Variants in ZNF799 observed in about 807,000 individuals in gnomAD.
ZNF799 encodes zinc finger protein 799, also known as zinc finger protein 14.
A neutral mutation model predicts 41.0 loss-of-function variants in ZNF799; 28 were observed. The observed-to-expected ratio is 0.68, with a 90% CI of 0.51 to 0.94. The LOEUF is 0.94. Ranked by LOEUF, ZNF799 falls within the 40% of genes least tolerant of loss-of-function variation. ZNF799 has a pLI of 0.00. For missense variants in ZNF799, 716 were observed against 764.3 expected (o/e 0.94, Z 0.74); for synonymous variants, 213 against 252.9 (o/e 0.84, Z 1.50).
At chr19:12,407,100 T>C in the ZNF799 span, among the ~76,000 whole-genome samples, 2 of 152,020 alleles carry the variant, frequency 1.3e-5, no homozygotes, top group Non-Finnish European at 2.9e-5. Context: ...GATGAGAGAA[T>C]GTGTGACTGG....
chr19:12,391,006 T>C lies in ZNF799; in HGVS notation c.1392A>G (p.Gln464=), dbSNP rs1161934962. 6.2e-6 allele frequency: 10 copies of C among 1,614,030 alleles called. No individual in the cohort carries two copies. The highest frequency in any genetic ancestry group is 6.8e-6 in the Non-Finnish European group (8 of 1,180,014). ...GKAFIDFYSF[Q]NHKTTHAGEK... is the part of the protein sequence containing the mutation. ...CTCCAGCATGAGTTGTTTTGTGATT[T>C]TGAAAGGAATAGAAATCAATAAAGG... is the stretch of plus-strand genomic sequence containing the variant. The change falls in exon 4 of 4, where the codon CAA becomes CAG. Residue 464 remains glutamine, a synonymous_variant. Transcript: ENST00000430385.
the ZNF799 span, among the ~76,000 whole-genome samples, chr19:12,410,113 A>C: frequency 1.3e-3 from 197 of 152,028 alleles, 1 homozygote; most frequent in African/African-American, 4.6e-3. Context: ...ATGCTACTGC[A>C]CTCCACCCTG....
chr19:12,413,566 G>A, the ZNF799 span, among the ~76,000 whole-genome samples: 50,720 of 152,096 alleles, frequency 0.33, 9,031 homozygotes, highest in South Asian at 0.51. Context: ...TACTCATATG[G>A]AGATAAATAA....
At chr19:12,411,279 A>C in the ZNF799 span, among the ~76,000 whole-genome samples, 1 of 152,172 alleles carries the variant, frequency 6.6e-6, no homozygotes, top group African/African-American at 2.4e-5. Context: ...TAATAGCTTG[A>C]GGTGACCACA....
Position 12,393,566 on chromosome 19 carries a change from T to C in ZNF799, c.4-143A>G, listed in dbSNP as rs1448897523. The C allele has an allele frequency of 1.1e-5, 16 of 1,418,654 alleles. No individual in the cohort carries two copies. In the East Asian group the frequency reaches 3.8e-4, roughly 34 times the overall value. The allele number at this position is 1,418,654 out of a possible 1,614,324, so 87.9% of individuals were successfully genotyped here. The stretch of plus-strand genomic sequence containing the variant: ...GGTAAACCCACTCTTATTCTCTGTC[T>C]ACACTCACTTTCTCCTACACAGTAA... On this transcript the variant is annotated intron_variant, in intron 1 of 3. Coordinates refer to ENST00000430385, the MANE Select transcript of ZNF799 (RefSeq NM_001080821.3).
Position 12,390,401 on chromosome 19 carries a change from C to A in ZNF799, c.*65G>T. On this transcript the variant is annotated 3_prime_UTR_variant, in exon 4 of 4. Coordinates refer to ENST00000430385, the MANE Select transcript of ZNF799 (RefSeq NM_001080821.3). ...GGGTCTATCTCCAATGTGTTTCGTACAAGTATCTGAAATGAAATAAAATTA... is the reference window on the plus strand; with the variant it reads ...GGGTCTATCTCCAATGTGTTTCGTAAAAGTATCTGAAATGAAATAAAATTA... The A allele has an allele frequency of 9.4e-6, 15 of 1,603,694 alleles. No individual in the cohort carries two copies. The highest frequency in any genetic ancestry group is 1.3e-5 in the Non-Finnish European group (15 of 1,175,128).
chr19:12,401,212 G>A lies in ZNF799; in HGVS notation c.-142C>T. The A allele has an allele frequency of 3.3e-6, 5 of 1,522,862 alleles. No individual in the cohort carries two copies. In the South Asian group the frequency reaches 3.7e-5, roughly 11 times the overall value. 94.3% of individuals were successfully genotyped at this position (1,522,862 alleles called of 1,614,324 possible). A position where few individuals can be genotyped will look rare whatever the true frequency, so the allele number is the denominator to read the frequency against. ...CACCGAGCGCCCAGCGCAGGTGGGT[G>A]GAGAAGACGCCGCGGGCTTTTTCAA... On this transcript the variant is annotated 5_prime_UTR_variant, in exon 1 of 4. Transcript: ENST00000430385.
chr19:12,397,865 T>TG (rs1473136405), intron 1 of ZNF799, among the ~76,000 whole-genome samples: 3 of 152,170 alleles, frequency 2.0e-5, no homozygotes, highest in African/African-American at 7.2e-5. Flanking sequence ...AACTATTTTT[T>TG]TATTCTCTCA....
chr19:12,400,678 T>C, intron 1 of ZNF799: 1 of 382,214 alleles, frequency 2.6e-6, no homozygotes, highest in Non-Finnish European at 4.7e-6. Flanking sequence ...AGACCCCAAA[T>C]CCCTCAGGGA....
rs1425872905 is a variant in ZNF799, at chr19:12,391,069, A to G, written c.1329T>C (p.His443=). ...TGCATTTATAGGGTTTCTCTCCAGT[A>G]TGAGTTGTTTCATGCCTTCGAAGAG... The part of the protein sequence containing the change: ...SSSLRRHETT[H]TGEKPYKCKC... The change falls in exon 4 of 4, where the codon CAT becomes CAC. Residue 443 remains histidine, a synonymous_variant. Coordinates refer to ENST00000430385, the MANE Select transcript of ZNF799 (RefSeq NM_001080821.3). 4.8e-5 allele frequency: 78 copies of G among 1,614,052 alleles called. No homozygotes were observed. Among genetic ancestry groups the G allele is most frequent in the Non-Finnish European group, 5.5e-5 (65 of 1,180,006 alleles).
chr19:12,390,815 CCA>C lies in ZNF799; in HGVS notation c.1581_1582del (p.Gly528ArgfsTer5), dbSNP rs1336349432. 2 of 1,614,158 alleles carry C rather than the reference CCA, an allele frequency of 1.2e-6. No homozygotes were observed. Among genetic ancestry groups the C allele is most frequent in the Non-Finnish European group, 1.7e-6 (2 of 1,180,002 alleles). ...TTCCTTACATTCATACGGCTTCTCT[CCA>C]GAGTGAATTCTTTCATGTACTTTTA... On this transcript the variant is annotated frameshift_variant, in exon 4 of 4. Coordinates refer to ENST00000430385, the MANE Select transcript of ZNF799 (RefSeq NM_001080821.3). LOFTEE classifies it high-confidence loss of function.
At position 12,390,271 on chromosome 19, in the gene ZNF799, A is replaced by T. The variant is rs1378621107; in HGVS notation, c.*195T>A. ...TGTCATTTTATAAAAGGGACTGGAC[A>T]TGGCTCACGGAGTGCTGGAACCAAT... On this transcript the variant is annotated 3_prime_UTR_variant, in exon 4 of 4. Coordinates refer to ENST00000430385, the MANE Select transcript of ZNF799 (RefSeq NM_001080821.3). 5.4e-6 allele frequency: 5 copies of T among 927,244 alleles called. No homozygotes were observed. The African/African-American group carries it at 8.3e-5, about 15-fold the overall frequency. The allele number at this position is 927,244 out of a possible 1,614,324, so 57.4% of individuals were successfully genotyped here. A position where few individuals can be genotyped will look rare whatever the true frequency, so the allele number is the denominator to read the frequency against.
chr19:12,405,031 A>G (rs565868094), upstream of ZNF799, among the ~76,000 whole-genome samples: 66 of 152,198 alleles, frequency 4.3e-4, no homozygotes, highest in African/African-American at 1.6e-3. Context: ...GAAAAACATG[A>G]AAAGGAGAGA....
At chr19:12,405,962 C>G (rs1970026457), upstream of ZNF799, among the ~76,000 whole-genome samples, 2 of 151,990 alleles carry the variant, frequency 1.3e-5, no homozygotes, top group South Asian at 2.1e-4. Context: ...ATCACAAGGT[C>G]AAGCGATTGA....
upstream of ZNF799, among the ~76,000 whole-genome samples, chr19:12,402,416 C>CTTTTTTTTTTTT (rs745521629): frequency 9.6e-5 from 12 of 125,044 alleles, no homozygotes; most frequent in Non-Finnish European, 1.3e-4. Flanking sequence ...CCCTTTATTT[C>CTTTTTTTTTTTT]TTTTTTTTTT....
At chr19:12,403,334 A>G (rs1970010890), upstream of ZNF799, among the ~76,000 whole-genome samples, 1 of 151,360 alleles carries the variant, frequency 6.6e-6, no homozygotes, top group South Asian at 2.1e-4. Context: ...TTCTTAGTCT[A>G]CCTCAAGGTT....
At chr19:12,413,119 G>A in the ZNF799 span, among the ~76,000 whole-genome samples, 12 of 149,632 alleles carry the variant, frequency 8.0e-5, no homozygotes, top group African/African-American at 2.7e-4. Flanking sequence ...TCAAACTGCT[G>A]ATGCTCTCAT....
chr19:12,405,265 C>G (rs1168379251), upstream of ZNF799, among the ~76,000 whole-genome samples: 1 of 152,018 alleles, frequency 6.6e-6, no homozygotes, highest in African/African-American at 2.4e-5. Context: ...CCAGAGAACC[C>G]TGACTAATAC....
chr19:12,413,245 T>A, the ZNF799 span, among the ~76,000 whole-genome samples: 4 of 152,188 alleles, frequency 2.6e-5, no homozygotes, highest in South Asian at 6.2e-4. Context: ...GTGTAACCAA[T>A]GTTTATAACC....
Sources: gnomAD v4.1 joint callset for allele counts (sites outside exome capture counted in the v4.1 genomes callset) on GRCh38, gnomAD v4.1.1 for gene constraint, MANE v1.5 for transcripts, NCBI Gene and HGNC (gene_info 2026-07-23, HGNC 2026-07-21) for gene names.